The following ADGRV1 variants were observed in gnomAD, a reference collection of about 807,000 sequenced individuals.
The protein encoded by ADGRV1 is G-protein coupled receptor 98.
Under a neutral mutation model 596.2 loss-of-function variants are expected in ADGRV1, and 359 were observed. That is an observed-to-expected ratio of 0.60 (90% CI 0.55 to 0.66). The LOEUF is 0.66. ADGRV1 is among the 30% of genes least tolerant of loss of function. The pLI, the probability that ADGRV1 is intolerant of heterozygous loss-of-function variation, is 0.00. For missense variants in ADGRV1, 7,274 were observed against 7,575.6 expected, an observed-to-expected ratio of 0.96 and a Z score of 1.48; for synonymous variants, 2,681 against 2,679.2, an observed-to-expected ratio of 1.00 and a Z score of -0.02.
intron 1 of ADGRV1, among the ~76,000 whole-genome samples, chr5:90,606,320 TG>T (rs1762103349): frequency 6.6e-6 from 1 of 152,120 alleles, no homozygotes; most frequent in Non-Finnish European, 1.5e-5. Context: ...TCTAAGATGG[TG>T]GGTTAATCTA....
At chr5:91,033,778 A>G (rs1003659823) in intron 85 of ADGRV1, among the ~76,000 whole-genome samples, 18 of 152,148 alleles carry the variant, frequency 1.2e-4, no homozygotes, top group African/African-American at 4.1e-4. Flanking sequence ...TAAATTCCAA[A>G]TTGTATTATT....
At chr5:90,714,547 T>G (rs1294500332) in intron 42 of ADGRV1, among the ~76,000 whole-genome samples, 3 of 152,148 alleles carry the variant, frequency 2.0e-5, no homozygotes, top group African/African-American at 7.2e-5. Flanking sequence ...CTATAAAATA[T>G]TTTACTATAT....
intron 87 of ADGRV1, among the ~76,000 whole-genome samples, chr5:91,122,402 A>G (rs1793401763): frequency 1.3e-5 from 2 of 152,220 alleles, no homozygotes; most frequent in Non-Finnish European, 1.5e-5. Context: ...TCTCCTTTTT[A>G]TAACTGATGA....
intron 83 of ADGRV1, among the ~76,000 whole-genome samples, chr5:90,949,705 G>A (rs939072215): frequency 1.3e-5 from 2 of 152,124 alleles, no homozygotes; most frequent in African/African-American, 4.8e-5. Context: ...GCTAGATTTG[G>A]TTAGAGTCTA....
chr5:90,707,400 T>G (rs1356613499), intron 38 of ADGRV1, among the ~76,000 whole-genome samples: 3 of 152,124 alleles, frequency 2.0e-5, no homozygotes, highest in African/African-American at 7.2e-5. Context: ...TTACTATGTA[T>G]TTTGGGAGTT....
At position 90,823,493 on chromosome 5, in the gene ADGRV1, A is replaced by T; in HGVS notation, c.16265A>T (p.Asp5422Val). 1 of 1,613,858 alleles carries T rather than the reference A, an allele frequency of 6.2e-7. No homozygotes were observed. The highest frequency in any genetic ancestry group is 8.5e-7 in the Non-Finnish European group (1 of 1,179,794). The change falls in exon 76 of 90, where the codon GAT (aspartate) becomes GTT (valine). Residue 5422 changes from aspartate (D) to valine (V), a missense_variant. This residue lies in a region of ADGRV1 where 1,874 missense variants were observed against 1,970.2 expected (regional missense o/e 0.95). Transcript: ENST00000405460. ...LNKTVVVLQK[D>V]GVNLVEELQS... ...AAAACAGTCGTCGTGCTCCAGAAGG[A>T]TGGGGTAAACCTGGTGGAGGAACTT...
intron 52 of ADGRV1, among the ~76,000 whole-genome samples, chr5:90,749,577 C>G (rs1755017692): frequency 6.6e-6 from 1 of 152,166 alleles, no homozygotes; most frequent in African/African-American, 2.4e-5. Context: ...TAAAAGCTCT[C>G]ATAAGTTTTA....
intron 83 of ADGRV1, among the ~76,000 whole-genome samples, chr5:90,961,327 C>T (rs1356366973): frequency 2.0e-5 from 3 of 151,788 alleles, no homozygotes; most frequent in Non-Finnish European, 4.4e-5. Flanking sequence ...GATGAAAACC[C>T]GTCTCTACTA....
At chr5:90,945,135 A>G (rs937991695) in intron 83 of ADGRV1, among the ~76,000 whole-genome samples, 30 of 152,142 alleles carry the variant, frequency 2.0e-4, no homozygotes, top group Admixed American at 2.0e-3. Context: ...TCAATTCAAC[A>G]TATGTTTATA....
intron 50 of ADGRV1, among the ~76,000 whole-genome samples, chr5:90,733,608 T>G (rs371707775): frequency 6.6e-5 from 10 of 152,200 alleles, no homozygotes; most frequent in Admixed American, 2.6e-4. Flanking sequence ...TCACCTCAAC[T>G]ACTGACCAGG....
intron 83 of ADGRV1, among the ~76,000 whole-genome samples, chr5:90,922,546 AAGCTATTTTTCCCTTCTTCCTCT>A (rs1342625974): frequency 6.6e-6 from 1 of 152,092 alleles, no homozygotes; most frequent in Non-Finnish European, 1.5e-5. Context: ...TGTGTCTGGA[AAGCTATTTTTCCCTTCTTCCTCT>A]ACAGTGGTCA....
chr5:90,591,402 A>AAT (rs1554054367), intron 1 of ADGRV1, among the ~76,000 whole-genome samples: 15 of 151,760 alleles, frequency 9.9e-5, no homozygotes, highest in East Asian at 3.9e-4. Context: ...TCTCAAAAAA[A>AAT]ATATATATAT....
chr5:90,774,381 A>G, intron 60 of ADGRV1, 78 bp downstream of exon 60: 4 of 788,310 alleles, frequency 5.1e-6, no homozygotes, highest in Non-Finnish European at 4.4e-6. Flanking sequence ...CGTAGTTACA[A>G]AAATGGACAG....
chr5:90,959,918 T>C (rs7724872), intron 83 of ADGRV1, among the ~76,000 whole-genome samples: 14,974 of 152,038 alleles, frequency 0.098, 1,237 homozygotes, highest in East Asian at 0.24. Context: ...GGTGGGCAGA[T>C]CACGAGGTCA....
At chr5:91,027,144 A>AACACAC (rs1184010778) in intron 85 of ADGRV1, among the ~76,000 whole-genome samples, 14,155 of 128,996 alleles carry the variant, frequency 0.11, 854 homozygotes, top group Non-Finnish European at 0.12. Context: ...ACAGTCTCAA[A>AACACAC]ACACACACAC....
intron 1 of ADGRV1, among the ~76,000 whole-genome samples, chr5:90,596,826 A>C (rs1000300890): frequency 6.8e-6 from 1 of 147,706 alleles, no homozygotes; most frequent in Non-Finnish European, 1.5e-5. Context: ...AGGGCGAGGG[A>C]GAGGGCGAGG....
chr5:90,732,774 G>T (rs866187126), intron 50 of ADGRV1, among the ~76,000 whole-genome samples: 7 of 152,160 alleles, frequency 4.6e-5, no homozygotes, highest in African/African-American at 1.2e-4. Flanking sequence ...CAGTCATTTA[G>T]CCTCTGCTAA....
intron 85 of ADGRV1, among the ~76,000 whole-genome samples, chr5:91,031,688 A>C (rs1357137497): frequency 6.6e-6 from 1 of 152,190 alleles, no homozygotes; most frequent in Non-Finnish European, 1.5e-5. Flanking sequence ...GTTATGTCTC[A>C]TTGTTTTTGT....
chr5:91,046,483 C>G (rs1181437801), intron 85 of ADGRV1, among the ~76,000 whole-genome samples: 1 of 152,144 alleles, frequency 6.6e-6, no homozygotes, highest in East Asian at 1.9e-4. Flanking sequence ...AAACAGGATC[C>G]TCATCTCTCA....
Sources: allele counts gnomAD v4.1 joint callset (sites outside exome capture counted in the v4.1 genomes callset), GRCh38; gene constraint gnomAD v4.1.1; regional missense constraint gnomAD v4.1.1; transcripts MANE v1.5; gene names NCBI Gene and HGNC (gene_info 2026-07-23, HGNC 2026-07-21).